Variants in SYNC observed in about 807,000 individuals in gnomAD.
SYNC encodes syncoilin, intermediate filament protein, also known as syncoilin.
A neutral mutation model predicts 49.5 loss-of-function variants in SYNC; 38 were observed. That is an observed-to-expected ratio of 0.77 (90% CI 0.59 to 1.01). The LOEUF is 1.01. Ranked by LOEUF, SYNC falls within the 50% of genes least tolerant of loss-of-function variation. The pLI, the probability that SYNC is intolerant of heterozygous loss-of-function variation, is 0.00. For missense variants in SYNC, 579 were observed against 580.6 expected (o/e 1.00, Z 0.03); for synonymous variants, 201 against 230.8 (o/e 0.87, Z 1.17).
At chr1:32,690,940 C>T (rs914386420) in intron 2 of SYNC, among the ~76,000 whole-genome samples, 2 of 151,812 alleles carry the variant, frequency 1.3e-5, no homozygotes, top group Admixed American at 6.6e-5. Context: ...AACAATTGGC[C>T]GGGCTCAGTG....
chr1:32,700,827 C>T (rs1211876511), intron 1 of SYNC, among the ~76,000 whole-genome samples: 2 of 152,218 alleles, frequency 1.3e-5, no homozygotes, highest in South Asian at 2.1e-4. Context: ...AGAAGGCCTG[C>T]AGTATTTACC....
intron 2 of SYNC, among the ~76,000 whole-genome samples, chr1:32,686,851 A>G (rs1002785409): frequency 6.6e-6 from 1 of 152,192 alleles, no homozygotes; most frequent in African/African-American, 2.4e-5. Context: ...ATTGGCTTAG[A>G]GCTCATACTC....
chr1:32,701,594 C>T (rs1650671497), intron 1 of SYNC, among the ~76,000 whole-genome samples: 1 of 152,226 alleles, frequency 6.6e-6, no homozygotes, highest in Non-Finnish European at 1.5e-5. Flanking sequence ...GCCTCCACCA[C>T]CCCACCCATG....
intron 1 of SYNC, among the ~76,000 whole-genome samples, chr1:32,700,242 C>T (rs559478365): frequency 1.3e-5 from 2 of 152,352 alleles, no homozygotes; most frequent in South Asian, 4.1e-4. Context: ...GAAGGATGCA[C>T]CTGCTCAGCC....
rs138051270 is a variant in SYNC at position 32,682,129 on chromosome 1, C to T, written c.1439-269G>A. 9.2e-4 allele frequency: 407 copies of T among 443,830 alleles called. 1 individual carries two copies. The highest frequency in any genetic ancestry group is 7.5e-3 in the African/African-American group (375 of 50,244). 27.5% of individuals were successfully genotyped at this position (443,830 alleles called of 1,614,324 possible). ...TGTAGTTTCATTTCTTTGGATTAGTCGTTGTCTTTTCCAGATTGTACACAA... is the reference window on the plus strand; with the variant it reads ...TGTAGTTTCATTTCTTTGGATTAGTTGTTGTCTTTTCCAGATTGTACACAA... On this transcript the variant is annotated intron_variant, in intron 4 of 4. Coordinates refer to ENST00000409190, the MANE Select transcript of SYNC (RefSeq NM_030786.3).
At position 32,681,872 on chromosome 1, in the gene SYNC, A is replaced by G. The variant is rs756980505; in HGVS notation, c.1439-12T>C. 3 of 1,613,844 alleles carry G rather than the reference A, an allele frequency of 1.9e-6. No individual in the cohort carries two copies. Among genetic ancestry groups the G allele is most frequent in the Non-Finnish European group, 2.5e-6 (3 of 1,179,726 alleles). ...TTTCTAAACAGCCCCTGTAAAGTTG[A>G]AAGAAAAAGTTTATAACAGTGAACT... On this transcript the variant is annotated splice_polypyrimidine_tract_variant and intron_variant, in intron 4 of 4. Transcript: ENST00000409190.
intron 2 of SYNC, among the ~76,000 whole-genome samples, chr1:32,688,337 AT>A (rs1462108961): frequency 6.6e-6 from 1 of 152,060 alleles, no homozygotes; most frequent in Non-Finnish European, 1.5e-5. Flanking sequence ...TAAAGGAATT[AT>A]TTTGTGTAAA....
At position 32,695,877 on chromosome 1, in the gene SYNC, T is replaced by G; in HGVS notation, c.221A>C (p.Gln74Pro). 2 of 1,552,144 alleles carry G rather than the reference T, an allele frequency of 1.3e-6. No individual in the cohort carries two copies. The stretch of plus-strand genomic sequence containing the variant: ...GGCCTCCTCTGCCTTCTCAGTCTCT[T>G]GCACATAGAGTGTCTCATCAAGGTC... The part of the protein sequence containing the change: ...TGDLDETLYV[Q>P]ETEKAEEALY... The change falls in exon 2 of 5, where the codon CAA becomes CCA. Residue 74 changes from glutamine (Q) to proline (P), a missense_variant. By Grantham distance (76) the Gln-to-Pro change is moderately conservative. Transcript: ENST00000409190.
At chr1:32,700,005 T>C (rs1284468848) in intron 1 of SYNC, among the ~76,000 whole-genome samples, 1 of 152,158 alleles carries the variant, frequency 6.6e-6, no homozygotes, top group African/African-American at 2.4e-5. Flanking sequence ...GTGCTGGGAT[T>C]ACAGGCATAA....
intron 1 of SYNC, among the ~76,000 whole-genome samples, chr1:32,699,190 G>C (rs1207818933): frequency 4.2e-5 from 5 of 118,288 alleles, no homozygotes; most frequent in African/African-American, 9.8e-5. Flanking sequence ...GCTTCACTCT[G>C]TCGCCCAGGC....
intron 2 of SYNC, among the ~76,000 whole-genome samples, chr1:32,691,707 T>C (rs1362842666): frequency 3.9e-5 from 6 of 152,196 alleles, no homozygotes; most frequent in African/African-American, 1.2e-4. Context: ...TTAGATAAAA[T>C]ATATTTAAAT....
chr1:32,688,842 A>C (rs1351965085), intron 2 of SYNC, among the ~76,000 whole-genome samples: 1 of 151,986 alleles, frequency 6.6e-6, no homozygotes, highest in Non-Finnish European at 1.5e-5. Flanking sequence ...CTGCCTCCCA[A>C]AGTGCTGGGA....
intron 1 of SYNC, among the ~76,000 whole-genome samples, chr1:32,698,457 T>G (rs1335318973): frequency 3.9e-5 from 6 of 152,076 alleles, no homozygotes. Flanking sequence ...AAGCGGAGCT[T>G]GCAGTGAGCC....
intron 1 of SYNC, among the ~76,000 whole-genome samples, chr1:32,700,129 C>G (rs1557879557): frequency 6.6e-6 from 1 of 152,174 alleles, no homozygotes; most frequent in Non-Finnish European, 1.5e-5. Context: ...ACCTCCTACT[C>G]TAAGCCCACG....
At chr1:32,683,390 G>A (rs981461941) in intron 4 of SYNC, 6 of 152,014 alleles carry the variant, frequency 3.9e-5, no homozygotes, top group African/African-American at 1.5e-4. Context: ...ATTTTTGATA[G>A]CACAACTGCT....
intron 1 of SYNC, 112 bp from the exon 2 acceptor site, chr1:32,696,156 C>CGAATGGCTGCTG: frequency 2.5e-6 from 2 of 815,694 alleles, no homozygotes; most frequent in Non-Finnish European, 3.8e-6. Context: ...TGTCAGCAGC[C>CGAATGGCTGCTG]ATTCGTCTGC....
chr1:32,687,836 T>A (rs559122024), intron 2 of SYNC, among the ~76,000 whole-genome samples: 5 of 25,544 alleles, frequency 2.0e-4, no homozygotes, highest in African/African-American at 2.6e-4. Flanking sequence ...CCCAGTGAAT[T>A]ATTATTATTA....
intron 1 of SYNC, among the ~76,000 whole-genome samples, chr1:32,699,841 C>A (rs983235157): frequency 3.3e-5 from 5 of 150,810 alleles, no homozygotes; most frequent in Admixed American, 6.6e-5. Context: ...TCAAGCAATT[C>A]TCTACCTCAG....
chr1:32,690,652 A>AG (rs1434050968), intron 2 of SYNC, among the ~76,000 whole-genome samples: 1 of 150,374 alleles, frequency 6.7e-6, no homozygotes, highest in African/African-American at 2.4e-5. Context: ...TCCAAAGAAA[A>AG]AAAAAAAAAA....
Sources: allele counts gnomAD v4.1 joint callset (sites outside exome capture counted in the v4.1 genomes callset), GRCh38; gene constraint gnomAD v4.1.1; transcripts MANE v1.5; gene names NCBI Gene and HGNC (gene_info 2026-07-23, HGNC 2026-07-21).